OTOP3: variants seen among roughly 807,000 people sequenced by gnomAD.
OTOP3 encodes the protein otopetrin 3, also known as proton channel OTOP3.
OTOP3 carries 41 observed loss-of-function variants against 50.8 expected under a neutral mutation model. The ratio of observed to expected loss-of-function variants is 0.81; its 90% confidence interval spans 0.63 to 1.05. The LOEUF (loss-of-function observed/expected upper bound fraction) is 1.05. Among genes scored for constraint, OTOP3 ranks in the 50% least tolerant of loss-of-function variants. The pLI, the probability that OTOP3 is intolerant of heterozygous loss-of-function variation, is 0.00. For synonymous variants in OTOP3, 320 were observed against 324.4 expected (o/e 0.99, Z 0.14); for missense variants, 788 against 760.8 (o/e 1.04, Z -0.42).
intron 5 of OTOP3, among the ~76,000 whole-genome samples, chr17:74,944,161 C>G (rs2039204224): frequency 1.3e-5 from 2 of 152,190 alleles, no homozygotes; most frequent in South Asian, 4.1e-4. Context: ...AAAAAAACTC[C>G]CAAGATTGTC....
Position 74,949,277 on chromosome 17 carries a change from C to T in OTOP3, c.1598C>T (p.Pro533Leu), listed in dbSNP as rs140589259. The change falls in exon 7 of 7, where the codon CCG (proline) becomes CTG (leucine). Residue 533 changes from proline to leucine, a missense_variant. Pro to Leu is a moderately conservative substitution (Grantham distance 98). Coordinates refer to ENST00000328801, the MANE Select transcript of OTOP3 (RefSeq NM_001272005.2). The stretch of plus-strand genomic sequence containing the variant: ...ATGATGCCTGCATTTGGCATACACC[C>T]GGAGTTTGAGAACGGGCTAGAAAAG... ...LWMMPAFGIH[P>L]EFENGLEKDF... 14 of 1,613,894 alleles carry T rather than the reference C, an allele frequency of 8.7e-6. No homozygotes were observed. Among genetic ancestry groups the T allele is most frequent in the African/African-American group, 4.0e-5 (3 of 74,896 alleles).
chr17:74,940,238 C>T (rs561130791), intron 1 of OTOP3, among the ~76,000 whole-genome samples: 1 of 147,078 alleles, frequency 6.8e-6, no homozygotes, highest in Non-Finnish European at 1.5e-5. Context: ...AATGCCTGGG[C>T]TCAAGCAATC....
At chr17:74,938,921 A>C (rs2039144428) in intron 1 of OTOP3, among the ~76,000 whole-genome samples, 1 of 152,018 alleles carries the variant, frequency 6.6e-6, no homozygotes, top group Non-Finnish European at 1.5e-5. Context: ...TAATCCCAGC[A>C]CTTTGGGAAC....
chr17:74,938,405 G>A lies in OTOP3; in HGVS notation c.19+2465G>A, dbSNP rs372020788. 2.6e-5 allele frequency among the ~76,000 whole-genome samples: 4 copies of A among 152,278 alleles called. 1 individual carries two copies. The highest frequency in any genetic ancestry group is 1.9e-4 in the East Asian group (1 of 5,166). ...GAGGACGATGGGTGGTCAGCGTGGG[G>A]TGAGGTGGGAATGCTGACGAGGGAA... On this transcript the variant is annotated intron_variant, in intron 1 of 6. Transcript: ENST00000328801.
chr17:74,949,511 C>T lies in OTOP3; in HGVS notation c.*95C>T. Reference sequence around the variant, plus strand: ...GATGCCTCATTCTGAGGTGCCGAGACCAGCCTGAGGCTCTCAAGGCCTCCT... The same window carrying T: ...GATGCCTCATTCTGAGGTGCCGAGATCAGCCTGAGGCTCTCAAGGCCTCCT... On this transcript the variant is annotated 3_prime_UTR_variant, in exon 7 of 7. Transcript: ENST00000328801. 7.0e-7 allele frequency: 1 copy of T among 1,427,306 alleles called. No homozygotes were observed. The highest frequency in any genetic ancestry group is 1.3e-5 in the South Asian group (1 of 76,280). 88.4% of individuals were successfully genotyped at this position (1,427,306 alleles called of 1,614,324 possible).
intron 1 of OTOP3, among the ~76,000 whole-genome samples, chr17:74,937,168 T>C (rs1162758548): frequency 6.6e-6 from 1 of 152,098 alleles, no homozygotes; most frequent in Non-Finnish European, 1.5e-5. Flanking sequence ...TTTTGCCATG[T>C]TCCCCAGGCT....
intron 1 of OTOP3, 134 bp downstream of exon 1, chr17:74,936,074 G>A (rs963990381): frequency 1.4e-6 from 2 of 1,397,646 alleles, no homozygotes; most frequent in South Asian, 1.3e-5. Flanking sequence ...GGTGACTGTG[G>A]AGAGGTGAAC....
chr17:74,946,803 C>T lies in OTOP3; in HGVS notation c.894C>T (p.Gly298=), dbSNP rs780844154. ...AVLFVMWKNV[G]RHVAPHMGAH... is the part of the protein sequence containing the mutation. The stretch of plus-strand genomic sequence containing the variant: ...TGTTTGTCATGTGGAAGAACGTGGG[C>T]CGCCACGTGGCACCCCACATGGGTG... The change falls in exon 6 of 7, where the codon GGC becomes GGT. Residue 298 remains glycine (G), a synonymous_variant. Coordinates refer to ENST00000328801, the MANE Select transcript of OTOP3 (RefSeq NM_001272005.2). The T allele has an allele frequency of 1.1e-5, 18 of 1,611,828 alleles. No homozygotes were observed. Among genetic ancestry groups the T allele is most frequent in the South Asian group, 7.7e-5 (7 of 91,092 alleles).
At position 74,949,316 on chromosome 17, in the gene OTOP3, A is replaced by C. The variant is rs768945010; in HGVS notation, c.1637A>C (p.Tyr546Ser). 4 of 1,614,066 alleles carry C rather than the reference A, an allele frequency of 2.5e-6. No homozygotes were observed. The highest frequency in any genetic ancestry group is 3.4e-6 in the Non-Finnish European group (4 of 1,180,000). ...GGGCTAGAAAAGGATTTCTACGGCT[A>C]CCAGATATGGTTCGCCATCGTCAAC... ...ENGLEKDFYG[Y>S]QIWFAIVNFG... Residue 546 changes from tyrosine to serine, a missense_variant, in exon 7 of 7, where the codon TAC becomes TCC. By Grantham distance (144) the Tyr-to-Ser change is moderately radical. Transcript: ENST00000328801.
At chr17:74,941,872 T>C in intron 2 of OTOP3, 29 bp from the exon 3 acceptor site, 1 of 1,592,618 alleles carries the variant, frequency 6.3e-7, no homozygotes, top group South Asian at 1.1e-5. Flanking sequence ...TCCGCGCAGG[T>C]GCCAACGCCC....
At position 74,946,167 on chromosome 17, in the gene OTOP3, G is replaced by C. The variant is rs564875731; in HGVS notation, c.752-494G>C. Reference sequence around the variant, plus strand: ...TAATTTTTGTATTTTTAGTAGAGACGGGGTTTCACCATGTTGCCCAAGCTG... The same window carrying C: ...TAATTTTTGTATTTTTAGTAGAGACCGGGTTTCACCATGTTGCCCAAGCTG... On this transcript the variant is annotated intron_variant, in intron 5 of 6. Coordinates refer to ENST00000328801, the MANE Select transcript of OTOP3 (RefSeq NM_001272005.2). 3.3e-5 allele frequency among the ~76,000 whole-genome samples: 5 copies of C among 152,134 alleles called. No individual in the cohort carries two copies. The South Asian group carries it at 8.3e-4, about 25-fold the overall frequency.
intron 4 of OTOP3, 38 bp from the exon 5 acceptor site, chr17:74,943,568 G>T (rs8069015): frequency 1.3e-6 from 2 of 1,599,132 alleles, no homozygotes; most frequent in African/African-American, 1.3e-5. Context: ...CTGGGGAGCC[G>T]GCCAGGGTGT....
Position 74,949,842 on chromosome 17 carries a change from G to T in OTOP3, c.*426G>T, listed in dbSNP as rs2039267195. 1 of 160,200 alleles carries T rather than the reference G, an allele frequency of 6.2e-6. No individual in the cohort carries two copies. The allele number at this position is 160,200 out of a possible 1,614,324, so 9.9% of individuals were successfully genotyped here. On this transcript the variant is annotated 3_prime_UTR_variant, in exon 7 of 7. Transcript: ENST00000328801. ...GAGAAGAGCACCTGGTCCAAGTGTG[G>T]CTCTGGACATCCTCAGAGCTCAGAG...
rs2039180671 is a variant in OTOP3, at chr17:74,941,952, T to C, written c.488T>C (p.Val163Ala). 1.2e-6 allele frequency: 2 copies of C among 1,613,242 alleles called. No individual in the cohort carries two copies. Among genetic ancestry groups the C allele is most frequent in the Non-Finnish European group, 8.5e-7 (1 of 1,179,506 alleles). ...SCTFCLNIFR[V>A]GYDVSHIRCK... ...ACCTTCTGCCTCAACATCTTCCGAG[T>C]GGGCTACGATGTGAGCCACATCCGC... The change falls in exon 3 of 7, where the codon GTG becomes GCG. Residue 163 changes from valine (V) to alanine (A), a missense_variant. Val to Ala is a moderately conservative substitution (Grantham distance 64). Transcript: ENST00000328801.
In OTOP3 at chr17:74,936,422, C is replaced by T. The variant is rs531034517; in HGVS notation, c.19+482C>T. Among the ~76,000 whole-genome samples the T allele has an allele frequency of 2.2e-3, 334 of 152,316 alleles. 2 individuals carry two copies. The highest frequency in any genetic ancestry group is 0.017 in the Middle Eastern group (5 of 294). ...CCCGACGGCTCCGCGGCTTTCATCG[C>T]CAATCCAGCCGAGACCCACAAACCA... On this transcript the variant is annotated intron_variant, in intron 1 of 6. Transcript: ENST00000328801.
Position 74,949,288 on chromosome 17 carries a change from A to C in OTOP3, c.1609A>C (p.Asn537His), listed in dbSNP as rs1172240304. ...PAFGIHPEFE[N>H]GLEKDFYGYQ... ...ATTTGGCATACACCCGGAGTTTGAG[A>C]ACGGGCTAGAAAAGGATTTCTACGG... The change falls in exon 7 of 7, where the codon AAC (asparagine) becomes CAC (histidine). Residue 537 changes from asparagine (N) to histidine (H), a missense_variant. Physicochemically the swap from Asn to His is moderately conservative, Grantham distance 68. Coordinates refer to ENST00000328801, the MANE Select transcript of OTOP3 (RefSeq NM_001272005.2). 7 of 1,614,020 alleles carry C rather than the reference A, an allele frequency of 4.3e-6. No individual in the cohort carries two copies. In the Admixed American group the frequency reaches 5.0e-5, roughly 12 times the overall value.
chr17:74,936,968 T>TG (rs2144776124), intron 1 of OTOP3, among the ~76,000 whole-genome samples: 2 of 137,670 alleles, frequency 1.5e-5, no homozygotes, highest in East Asian at 4.3e-4. Context: ...ACCCTTTTTT[T>TG]TTTTTTTTTT....
intron 1 of OTOP3, among the ~76,000 whole-genome samples, chr17:74,940,085 T>C (rs1218633735): frequency 9.1e-6 from 1 of 110,474 alleles, no homozygotes; most frequent in Non-Finnish European, 1.8e-5. Flanking sequence ...AATATATATA[T>C]TATACACACA....
In OTOP3 at chr17:74,946,881, G is replaced by A. The variant is rs2039231412; in HGVS notation, c.972G>A (p.Leu324=). The change falls in exon 6 of 7, where the codon CTG becomes CTA. Residue 324 remains leucine (L), a synonymous_variant. Coordinates refer to ENST00000328801, the MANE Select transcript of OTOP3 (RefSeq NM_001272005.2). ...FHLHGAIFGP[L]LGLLVLLAGV... ...TGCACGGGGCCATCTTCGGGCCGCT[G>A]CTGGGCCTGCTGGTGCTGCTGGCAG... 4 of 1,610,684 alleles carry A rather than the reference G, an allele frequency of 2.5e-6. No individual in the cohort carries two copies. Among genetic ancestry groups the A allele is most frequent in the Non-Finnish European group, 2.5e-6 (3 of 1,179,586 alleles).
Sources: gnomAD v4.1 joint callset for allele counts (sites outside exome capture counted in the v4.1 genomes callset) on GRCh38, gnomAD v4.1.1 for gene constraint, MANE v1.5 for transcripts, NCBI Gene and HGNC (gene_info 2026-07-23, HGNC 2026-07-21) for gene names.